The following SPOCK1 variants were observed in gnomAD, a reference collection of about 807,000 sequenced individuals.
The protein encoded by SPOCK1 is SPARC (osteonectin), cwcv and kazal like domains proteoglycan 1.
In SPOCK1, 23 loss-of-function variants were observed where a neutral mutation model predicts 55.3. That is an observed-to-expected ratio of 0.42 (90% CI 0.30 to 0.59). The LOEUF (loss-of-function observed/expected upper bound fraction) is 0.59, where lower values mean the gene tolerates loss of function less well. Ranked by LOEUF, SPOCK1 falls within the 20% of genes least tolerant of loss-of-function variation. The pLI, the probability that SPOCK1 is intolerant of heterozygous loss-of-function variation, is 0.22. For synonymous variants in SPOCK1, 226 were observed against 221.0 expected, an observed-to-expected ratio of 1.02 and a Z score of -0.20; for missense variants, 499 against 552.5, an observed-to-expected ratio of 0.90 and a Z score of 0.97.
At chr5:137,185,837 A>C (rs1050500714) in intron 3 of SPOCK1, among the ~76,000 whole-genome samples, 2 of 152,186 alleles carry the variant, frequency 1.3e-5, no homozygotes, top group African/African-American at 4.8e-5. Flanking sequence ...CTGCTAGATA[A>C]GGCCTTTCAA....
At chr5:137,494,144 T>C (rs939990235) in intron 2 of SPOCK1, among the ~76,000 whole-genome samples, 9 of 152,086 alleles carry the variant, frequency 5.9e-5, no homozygotes, top group Admixed American at 2.0e-4. Flanking sequence ...AGAAAGAAAA[T>C]GTCATGTTTG....
At chr5:137,204,397 G>A (rs1334330566) in intron 3 of SPOCK1, among the ~76,000 whole-genome samples, 1 of 152,094 alleles carries the variant, frequency 6.6e-6, no homozygotes, top group East Asian at 1.9e-4. Context: ...ACTCAGCTCT[G>A]ATGGAAAACT....
intron 3 of SPOCK1, among the ~76,000 whole-genome samples, chr5:137,173,241 C>G (rs1253827300): frequency 6.6e-6 from 1 of 152,108 alleles, no homozygotes; most frequent in Admixed American, 6.6e-5. Flanking sequence ...AAGAAAATCT[C>G]AAGATCAAAT....
At chr5:137,269,909 G>A (rs1377443467) in intron 2 of SPOCK1, among the ~76,000 whole-genome samples, 1 of 151,758 alleles carries the variant, frequency 6.6e-6, no homozygotes, top group Non-Finnish European at 1.5e-5. Context: ...GGCAGAGCCA[G>A]GCTTTTAAAA....
At chr5:137,098,060 A>G (rs1366677943) in intron 5 of SPOCK1, among the ~76,000 whole-genome samples, 1 of 152,200 alleles carries the variant, frequency 6.6e-6, no homozygotes, top group African/African-American at 2.4e-5. Flanking sequence ...GGGAGGGGGT[A>G]ATTAGTAATA....
intron 2 of SPOCK1, among the ~76,000 whole-genome samples, chr5:137,356,832 T>TAGAG (rs1264084655): frequency 1.6e-3 from 16 of 10,176 alleles, no homozygotes; most frequent in Admixed American, 6.0e-3. Flanking sequence ...TATATATATA[T>TAGAG]ATATATAGAG....
chr5:137,256,816 C>T (rs968479621), intron 3 of SPOCK1, among the ~76,000 whole-genome samples: 1 of 152,104 alleles, frequency 6.6e-6, no homozygotes, highest in African/African-American at 2.4e-5. Context: ...CAACCTCCAG[C>T]GCACGCGTGC....
At chr5:137,387,394 A>G (rs1364342164) in intron 2 of SPOCK1, among the ~76,000 whole-genome samples, 1 of 152,256 alleles carries the variant, frequency 6.6e-6, no homozygotes, top group Non-Finnish European at 1.5e-5. Context: ...CTTGGAAGCA[A>G]CCAAGATATC....
chr5:137,327,699 CCT>C lies in SPOCK1; in HGVS notation c.187-60646_187-60645del, dbSNP rs530338878. Among the ~76,000 whole-genome samples, 39 of 152,306 alleles carry C rather than the reference CCT, an allele frequency of 2.6e-4. 1 individual carries two copies. In the South Asian group the frequency reaches 7.9e-3, roughly 31 times the overall value. On this transcript the variant is annotated intron_variant, in intron 2 of 10. Transcript: ENST00000394945. The stretch of plus-strand genomic sequence containing the variant: ...AGACAAAGCAAATAACCAGGCTGTG[CCT>C]CTGTTTCCTCATCTGCAAGGTAGAA...
At chr5:137,417,102 T>C (rs754103971) in intron 2 of SPOCK1, among the ~76,000 whole-genome samples, 1 of 152,096 alleles carries the variant, frequency 6.6e-6, no homozygotes, top group Non-Finnish European at 1.5e-5. Context: ...CATGTGTGTA[T>C]ATAAAATATT....
rs183141750 is a variant in SPOCK1 at position 137,029,539 on chromosome 5, G to A, written c.590-36939C>T. 7.6e-3 allele frequency among the ~76,000 whole-genome samples: 1,164 copies of A among 152,322 alleles called. 6 individuals are homozygous for A. Among genetic ancestry groups the A allele is most frequent in the Non-Finnish European group, 0.011 (745 of 68,032 alleles). ...TAAGTAAGGCACCCAAGACTTTTTA[G>A]TGGAAGAGCTGGGATTAGGCCCTGG... On this transcript the variant is annotated intron_variant, in intron 6 of 10. Coordinates refer to ENST00000394945, the MANE Select transcript of SPOCK1 (RefSeq NM_004598.4).
chr5:137,249,856 A>AT (rs890116208), intron 3 of SPOCK1, among the ~76,000 whole-genome samples: 25 of 150,488 alleles, frequency 1.7e-4, no homozygotes, highest in East Asian at 1.4e-3. Context: ...TTTAGTACAG[A>AT]TTTTTTTTTT....
intron 4 of SPOCK1, among the ~76,000 whole-genome samples, chr5:137,118,391 G>A (rs989710593): frequency 6.6e-6 from 1 of 152,174 alleles, no homozygotes; most frequent in Non-Finnish European, 1.5e-5. Context: ...TCCTGGGAAT[G>A]TCAACCTTAA....
intron 2 of SPOCK1, among the ~76,000 whole-genome samples, chr5:137,418,037 G>A (rs1229714): frequency 0.33 from 50,672 of 151,922 alleles, 8,525 homozygotes; most frequent in Middle Eastern, 0.45. Flanking sequence ...TCCCACCTAT[G>A]AGTGAGAACA....
Position 137,480,343 on chromosome 5 carries a change from A to ACACT in SPOCK1, c.186+18029_186+18030insAGTG, listed in dbSNP as rs1491303358. 1.6e-3 allele frequency among the ~76,000 whole-genome samples: 238 copies of ACACT among 146,752 alleles called. 2 individuals are homozygous for ACACT. The highest frequency in any genetic ancestry group is 7.0e-3 in the Middle Eastern group (2 of 286). On this transcript the variant is annotated intron_variant, in intron 2 of 10. Transcript: ENST00000394945. ...CACACACACACACACACACACACAC[A>ACACT]CTCATTCACTTGTATTACTGAAATA...
At position 136,985,180 on chromosome 5, in the gene SPOCK1, C is replaced by T; in HGVS notation, c.951G>A (p.Met317Ile). 1 of 1,614,120 alleles carries T rather than the reference C, an allele frequency of 6.2e-7. No homozygotes were observed. Residue 317 changes from methionine to isoleucine, a missense_variant, in exon 9 of 11, where the codon ATG becomes ATA. This residue lies in a region of SPOCK1 where 386 missense variants were observed against 400.6 expected (regional missense o/e 0.96). Coordinates refer to ENST00000394945, the MANE Select transcript of SPOCK1 (RefSeq NM_004598.4). ...CCTTACTCAGCTTCTGAATTCTGTT[C>T]ATTTCATTCTGGCAAGGGAGACCTA... ...KPGGLPCQNEMNRIQKLSKGK... is the reference protein window; with the variant it reads ...KPGGLPCQNEINRIQKLSKGK...
chr5:136,977,833 C>T lies in SPOCK1; in HGVS notation c.*821G>A, dbSNP rs990878133. 2.5e-6 allele frequency: 1 copy of T among 398,646 alleles called. No homozygotes were observed. The highest frequency in any genetic ancestry group is 4.4e-6 in the Non-Finnish European group (1 of 225,958). The allele number at this position is 398,646 out of a possible 1,614,324, so 24.7% of individuals were successfully genotyped here. The stretch of plus-strand genomic sequence containing the variant: ...AGGCTACAAGAGCCAACTGTTAGTG[C>T]AAAAAAGGACTTTAATACAAATTTC... On this transcript the variant is annotated 3_prime_UTR_variant, in exon 11 of 11. Coordinates refer to ENST00000394945, the MANE Select transcript of SPOCK1 (RefSeq NM_004598.4).
At chr5:137,293,051 CA>C (rs1434204231) in intron 2 of SPOCK1, among the ~76,000 whole-genome samples, 1 of 149,422 alleles carries the variant, frequency 6.7e-6, no homozygotes, top group African/African-American at 2.5e-5. Flanking sequence ...AAACTGTGGC[CA>C]CTGCTGTTTC....
At chr5:137,332,905 G>A (rs957025518) in intron 2 of SPOCK1, among the ~76,000 whole-genome samples, 1 of 152,178 alleles carries the variant, frequency 6.6e-6, no homozygotes, top group East Asian at 1.9e-4. Context: ...AAAAATGAGG[G>A]AGAGTCCAAG....
Sources: gnomAD v4.1 joint callset for allele counts (sites outside exome capture counted in the v4.1 genomes callset) on GRCh38, gnomAD v4.1.1 for gene constraint, gnomAD v4.1.1 regional missense constraint, MANE v1.5 for transcripts, NCBI Gene and HGNC (gene_info 2026-07-23, HGNC 2026-07-21) for gene names.